HMGB1: variants seen among roughly 807,000 people sequenced by gnomAD.
HMGB1 encodes high mobility group protein B1.
For synonymous variants in HMGB1, 81 were observed against 84.0 expected, an observed-to-expected ratio of 0.96 and a Z score of 0.19; for missense variants, 79 against 253.5, an observed-to-expected ratio of 0.31 and a Z score of 4.67.
At chr13:30,578,001 T>C (rs1870732887) in intron 1 of HMGB1, among the ~76,000 whole-genome samples, 1 of 152,038 alleles carries the variant, frequency 6.6e-6, no homozygotes, top group East Asian at 1.9e-4. Flanking sequence ...AACTTTCCAC[T>C]CCAACCTCAG....
At chr13:30,504,870 TC>T (rs1477622860) in intron 1 of HMGB1, among the ~76,000 whole-genome samples, 2 of 85,730 alleles carry the variant, frequency 2.3e-5, no homozygotes, top group Non-Finnish European at 5.7e-5. Flanking sequence ...TTTGCTTTTT[TC>T]CCCCTACACT....
chr13:30,611,185 T>C (rs1950509519), intron 1 of HMGB1, among the ~76,000 whole-genome samples: 1 of 152,252 alleles, frequency 6.6e-6, no homozygotes, highest in African/African-American at 2.4e-5. Context: ...ATGAGTCCTT[T>C]GTGGTAAATA....
chr13:30,546,231 T>C (rs1435612066), intron 1 of HMGB1, among the ~76,000 whole-genome samples: 1 of 152,194 alleles, frequency 6.6e-6, no homozygotes, highest in Non-Finnish European at 1.5e-5. Context: ...TTCCCCTGCC[T>C]CAGCCTCCCG....
At chr13:30,527,718 T>C (rs1888400239) in intron 1 of HMGB1, among the ~76,000 whole-genome samples, 1 of 152,116 alleles carries the variant, frequency 6.6e-6, no homozygotes, top group Non-Finnish European at 1.5e-5. Context: ...TTATTATTCA[T>C]AAATGTCCAC....
intron 1 of HMGB1, among the ~76,000 whole-genome samples, chr13:30,613,905 A>C (rs1439422376): frequency 1.3e-5 from 2 of 152,118 alleles, no homozygotes; most frequent in Non-Finnish European, 2.9e-5. Flanking sequence ...GAAAAAAAAA[A>C]CACCTAAATG....
intron 1 of HMGB1, among the ~76,000 whole-genome samples, chr13:30,506,909 G>A (rs1329959092): frequency 6.6e-6 from 1 of 152,126 alleles, no homozygotes; most frequent in Non-Finnish European, 1.5e-5. Flanking sequence ...CTCCGAAGGT[G>A]CTCAGGAAAT....
At chr13:30,512,974 C>A (rs920896070) in intron 1 of HMGB1, among the ~76,000 whole-genome samples, 2 of 152,104 alleles carry the variant, frequency 1.3e-5, no homozygotes, top group African/African-American at 2.4e-5. Flanking sequence ...ACCAGCCTGG[C>A]CAACGTGGTG....
chr13:30,468,561 G>GT (rs912238984), upstream of HMGB1, among the ~76,000 whole-genome samples: 11 of 151,760 alleles, frequency 7.2e-5, no homozygotes, highest in East Asian at 5.8e-4. Flanking sequence ...GCCTTGTTTT[G>GT]TTTTTTTTAA....
At chr13:30,592,285 T>C (rs1266473789) in intron 1 of HMGB1, among the ~76,000 whole-genome samples, 1 of 152,168 alleles carries the variant, frequency 6.6e-6, no homozygotes, top group African/African-American at 2.4e-5. Flanking sequence ...GCTCCTTTTC[T>C]TTGGCATATT....
chr13:30,494,581 G>A (rs1344196145), intron 1 of HMGB1, among the ~76,000 whole-genome samples: 4 of 152,170 alleles, frequency 2.6e-5, no homozygotes, highest in Non-Finnish European at 4.4e-5. Flanking sequence ...GGCTGGTCTC[G>A]AACTCCCAAC....
intron 1 of HMGB1, among the ~76,000 whole-genome samples, chr13:30,589,184 T>C (rs1488637850): frequency 6.6e-6 from 1 of 151,864 alleles, no homozygotes; most frequent in Non-Finnish European, 1.5e-5. Flanking sequence ...TTTGTATTTT[T>C]AGTAGAGATG....
intron 1 of HMGB1, among the ~76,000 whole-genome samples, chr13:30,557,872 T>C (rs1032641696): frequency 6.6e-6 from 1 of 152,224 alleles, no homozygotes; most frequent in African/African-American, 2.4e-5. Context: ...CAGAATAGAC[T>C]TGAACCTCAT....
At position 30,462,725 on chromosome 13, in the gene HMGB1, T is replaced by A. The variant is rs529452831; in HGVS notation, c.297-13A>T. 49 of 1,598,948 alleles carry A rather than the reference T, an allele frequency of 3.1e-5. No homozygotes were observed. In the African/African-American group the frequency reaches 5.7e-4, roughly 18 times the overall value. ...GAAGAAGGCCGAACTAAAAAAAAAA[T>A]TAATTTTAGGATTTTAAGTTAACAG... On this transcript the variant is annotated splice_polypyrimidine_tract_variant and intron_variant, in intron 3 of 4. Transcript: ENST00000341423.
At chr13:30,598,256 A>T (rs1871705208) in intron 1 of HMGB1, among the ~76,000 whole-genome samples, 1 of 152,254 alleles carries the variant, frequency 6.6e-6, no homozygotes, top group African/African-American at 2.4e-5. Context: ...TGTACTTTTC[A>T]TAACTACCAG....
intron 1 of HMGB1, among the ~76,000 whole-genome samples, chr13:30,564,974 A>G (rs1200861705): frequency 1.3e-5 from 2 of 152,356 alleles, no homozygotes; most frequent in East Asian, 3.9e-4. Context: ...ATTAAAACAC[A>G]TGATAGCTAC....
rs79946537 is a variant in HMGB1 at position 30,590,898 on chromosome 13, A to G, written c.-15+25773T>C. 2.5e-3 allele frequency among the ~76,000 whole-genome samples: 376 copies of G among 152,318 alleles called. 1 individual carries two copies. Among genetic ancestry groups the G allele is most frequent in the African/African-American group, 8.4e-3 (350 of 41,572 alleles). ...CTTGATTTTGGGCTTCTCAGCCTAC[A>G]GAACTGTGAGCAATAAATATCTGCT... On this transcript the variant is annotated intron_variant, in intron 1 of 4. Coordinates refer to the HMGB1 transcript ENST00000405805.
At chr13:30,567,077 T>A (rs1870214997) in intron 1 of HMGB1, among the ~76,000 whole-genome samples, 1 of 152,172 alleles carries the variant, frequency 6.6e-6, no homozygotes. Context: ...CCACTCTGGA[T>A]TTTCTCGAGC....
At chr13:30,462,389 T>C (rs1565993877) in intron 4 of HMGB1, 149 bp downstream of exon 4, 1 of 772,530 alleles carries the variant, frequency 1.3e-6, no homozygotes, top group Non-Finnish European at 2.4e-6. Context: ...ATTTATTTGG[T>C]CCTCTGCATT....
At chr13:30,464,661 C>CGCCGGG in intron 1 of HMGB1, 1 of 982,818 alleles carries the variant, frequency 1.0e-6, no homozygotes. Flanking sequence ...CGCCCGCGGC[C>CGCCGGG]GCCGGGGCCG....
Sources: allele counts gnomAD v4.1 joint callset (sites outside exome capture counted in the v4.1 genomes callset), GRCh38; gene constraint gnomAD v4.1.1; transcripts MANE v1.5; gene names NCBI Gene and HGNC (gene_info 2026-07-23, HGNC 2026-07-21).